Variants in LDLRAD4 observed in about 807,000 individuals in gnomAD.
LDLRAD4 encodes the protein low-density lipoprotein receptor class A domain-containing protein 4.
A neutral mutation model predicts 17.0 loss-of-function variants in LDLRAD4; 5 were observed. The observed-to-expected ratio is 0.29, with a 90% CI of 0.15 to 0.62. The LOEUF is 0.62. LDLRAD4 is among the 20% of genes least tolerant of loss of function. The pLI is 0.84. For missense variants in LDLRAD4, 340 were observed against 424.7 expected (o/e 0.80, Z 1.75); for synonymous variants, 168 against 171.8 (o/e 0.98, Z 0.17).
chr18:13,489,990 G>A (rs541155256), intron 3 of LDLRAD4: 4 of 152,128 alleles, frequency 2.6e-5, no homozygotes, highest in South Asian at 4.2e-4. Flanking sequence ...TAAAATTTAG[G>A]TTTTCCCCAC....
intron 3 of LDLRAD4, among the ~76,000 whole-genome samples, chr18:13,454,522 C>T (rs1425788881): frequency 3.9e-5 from 6 of 152,180 alleles, no homozygotes; most frequent in East Asian, 3.9e-4. Context: ...TCCTTATTTT[C>T]GTGCTCTTAC....
intron 3 of LDLRAD4, among the ~76,000 whole-genome samples, chr18:13,483,341 C>G (rs1224009572): frequency 6.6e-6 from 1 of 152,220 alleles, no homozygotes; most frequent in Non-Finnish European, 1.5e-5. Context: ...ACTGAGTTCT[C>G]TTCCTTGAAG....
intron 1 of LDLRAD4, among the ~76,000 whole-genome samples, chr18:13,250,109 A>G (rs2043159425): frequency 6.6e-6 from 1 of 152,204 alleles, no homozygotes. Context: ...CCTCTTTGTC[A>G]GAAATCAGTT....
Position 13,473,561 on chromosome 18 carries a change from G to A in LDLRAD4, c.181+35177G>A, listed in dbSNP as rs373869438. On this transcript the variant is annotated intron_variant, in intron 3 of 5. Transcript: ENST00000359446. Reference sequence around the variant, plus strand: ...AGGCTGAGGTGGGAGGCTTGCTTGAGCCCAGTTGGAGGCTGCAGTGAGCTA... The same window carrying A: ...AGGCTGAGGTGGGAGGCTTGCTTGAACCCAGTTGGAGGCTGCAGTGAGCTA... Among the ~76,000 whole-genome samples, 53 of 147,618 alleles carry A rather than the reference G, an allele frequency of 3.6e-4. No homozygotes were observed. The East Asian group carries it at 9.0e-3, about 25-fold the overall frequency.
chr18:13,288,879 A>G (rs931335778), intron 1 of LDLRAD4, among the ~76,000 whole-genome samples: 4 of 152,360 alleles, frequency 2.6e-5, no homozygotes, highest in African/African-American at 9.6e-5. Context: ...ACACCCGCAA[A>G]GCATGAGGAC....
At chr18:13,307,429 T>A (rs1308184670) in intron 1 of LDLRAD4, among the ~76,000 whole-genome samples, 1 of 152,156 alleles carries the variant, frequency 6.6e-6, no homozygotes, top group Admixed American at 6.5e-5. Flanking sequence ...AAAAAAAAAT[T>A]TTTTAAGAGA....
intron 2 of LDLRAD4, among the ~76,000 whole-genome samples, chr18:13,433,796 AG>A (rs1177812000): frequency 6.6e-6 from 1 of 152,078 alleles, no homozygotes; most frequent in Non-Finnish European, 1.5e-5. Context: ...GTTTTTTCAA[AG>A]GTTATAAAAT....
intron 3 of LDLRAD4, among the ~76,000 whole-genome samples, chr18:13,513,677 A>C (rs117519654): frequency 0.029 from 4,439 of 152,250 alleles, 78 homozygotes; most frequent in Middle Eastern, 0.048. Flanking sequence ...TCAAATCACC[A>C]GGGCCCCAAG....
At chr18:13,529,222 G>A (rs988420217) in intron 3 of LDLRAD4, among the ~76,000 whole-genome samples, 4 of 152,294 alleles carry the variant, frequency 2.6e-5, no homozygotes, top group East Asian at 1.9e-4. Context: ...CCAGTTGCCC[G>A]GCACTGGCCA....
intron 2 of LDLRAD4, among the ~76,000 whole-genome samples, chr18:13,399,746 T>A (rs530109906): frequency 6.6e-6 from 1 of 152,316 alleles, no homozygotes; most frequent in East Asian, 1.9e-4. Context: ...TGCTGTAAAC[T>A]CACGTGAACA....
At chr18:13,292,632 A>G (rs1370178654) in intron 1 of LDLRAD4, among the ~76,000 whole-genome samples, 5 of 152,222 alleles carry the variant, frequency 3.3e-5, no homozygotes, top group African/African-American at 9.6e-5. Flanking sequence ...AAATTGAAGC[A>G]TAAGGGAGCC....
At chr18:13,341,629 A>T (rs888054638) in intron 1 of LDLRAD4, among the ~76,000 whole-genome samples, 1 of 151,996 alleles carries the variant, frequency 6.6e-6, no homozygotes, top group African/African-American at 2.4e-5. Context: ...CACTTTTTTT[A>T]AAAAAGGGAA....
intron 1 of LDLRAD4, among the ~76,000 whole-genome samples, chr18:13,242,403 G>A (rs545277598): frequency 2.6e-4 from 39 of 152,302 alleles, no homozygotes; most frequent in South Asian, 2.1e-3. Context: ...CGGGGTGATC[G>A]GGTGATTAGT....
intron 3 of LDLRAD4, among the ~76,000 whole-genome samples, chr18:13,517,023 G>A (rs774489788): frequency 7.9e-5 from 12 of 152,102 alleles, no homozygotes; most frequent in Non-Finnish European, 1.5e-4. Flanking sequence ...CTAATTGTTT[G>A]ATTTTTCTGC....
Position 13,577,105 on chromosome 18 carries a change from C to CA in LDLRAD4, c.182-44011dup, listed in dbSNP as rs1246552210. 4.0e-5 allele frequency among the ~76,000 whole-genome samples: 6 copies of CA among 151,612 alleles called. No individual in the cohort carries two copies. The South Asian group carries it at 1.2e-3, about 31-fold the overall frequency. On this transcript the variant is annotated intron_variant, in intron 3 of 5. Transcript: ENST00000359446. ...TTTTTTTTTTAAGTATCCGAATTTG[C>CA]ATGAGGCTAGTTTTGTATTTCTGCA...
Position 13,476,353 on chromosome 18 carries a change from G to A in LDLRAD4, c.181+37969G>A, listed in dbSNP as rs541168135. On this transcript the variant is annotated intron_variant, in intron 3 of 5. Coordinates refer to ENST00000359446, the Ensembl canonical transcript of LDLRAD4. ...TCATGTTGAAAACCCAGCCTGGGCC[G>A]GTGGCCCACATCTGTAATCCCAGCA... Among the ~76,000 whole-genome samples the A allele has an allele frequency of 4.6e-5, 7 of 152,156 alleles. No homozygotes were observed. In the South Asian group the frequency reaches 1.5e-3, roughly 32 times the overall value.
intron 3 of LDLRAD4, among the ~76,000 whole-genome samples, chr18:13,481,872 C>T (rs1192238395): frequency 1.4e-5 from 2 of 144,984 alleles, no homozygotes; most frequent in Non-Finnish European, 3.0e-5. Flanking sequence ...AATGACAGAG[C>T]GTGAGAGGTG....
chr18:13,616,313 G>A (rs2040077582), intron 3 of LDLRAD4, among the ~76,000 whole-genome samples: 1 of 152,062 alleles, frequency 6.6e-6, no homozygotes, highest in African/African-American at 2.4e-5. Flanking sequence ...GGAGGGAGAG[G>A]GCATCTCAAT....
chr18:13,269,578 T>C (rs1167838848), intron 1 of LDLRAD4, among the ~76,000 whole-genome samples: 1 of 152,014 alleles, frequency 6.6e-6, no homozygotes, highest in Non-Finnish European at 1.5e-5. Context: ...TTTTTTTTCC[T>C]GAGGGGAAGC....
Sources: allele counts gnomAD v4.1 joint callset (sites outside exome capture counted in the v4.1 genomes callset), GRCh38; gene constraint gnomAD v4.1.1; transcripts MANE v1.5; gene names NCBI Gene and HGNC (gene_info 2026-07-23, HGNC 2026-07-21).